PELI1: variants seen among roughly 807,000 people sequenced by gnomAD.
The protein encoded by PELI1 is E3 ubiquitin-protein ligase pellino homolog 1.
In PELI1, 15 loss-of-function variants were observed where a neutral mutation model predicts 41.3. The ratio of observed to expected loss-of-function variants is 0.36; its 90% CI spans 0.24 to 0.56. The LOEUF is 0.56. PELI1 is among the 20% of genes least tolerant of loss of function. PELI1 has a pLI of 0.82. For missense variants in PELI1, 403 were observed against 525.5 expected (o/e 0.77, Z 2.28); for synonymous variants, 178 against 180.1 (o/e 0.99, Z 0.09).
intron 2 of PELI1, among the ~76,000 whole-genome samples, chr2:64,108,030 A>G (rs375441984): frequency 6.6e-6 from 1 of 152,212 alleles, no homozygotes; most frequent in East Asian, 1.9e-4. Context: ...AGGGTGAGAC[A>G]AAGCTTATGT....
chr2:64,141,964 A>T (rs1009279071), intron 1 of PELI1, among the ~76,000 whole-genome samples: 16 of 152,248 alleles, frequency 1.1e-4, no homozygotes, highest in African/African-American at 3.9e-4. Context: ...AAAAAGTTCA[A>T]CATAACCAAC....
intron 3 of PELI1, among the ~76,000 whole-genome samples, chr2:64,100,759 C>T (rs1680400184): frequency 6.6e-6 from 1 of 151,948 alleles, no homozygotes; most frequent in Non-Finnish European, 1.5e-5. Context: ...CAGAGTCTTG[C>T]TCTGTTGCCT....
chr2:64,136,200 T>C (rs890485787), intron 1 of PELI1, among the ~76,000 whole-genome samples: 10 of 152,230 alleles, frequency 6.6e-5, no homozygotes, highest in African/African-American at 2.2e-4. Context: ...GCCACTTTTT[T>C]TTTTTAGATG....
At chr2:64,131,303 CAT>C (rs775491232) in intron 1 of PELI1, among the ~76,000 whole-genome samples, 4 of 150,988 alleles carry the variant, frequency 2.6e-5, no homozygotes, top group Admixed American at 6.6e-5. Flanking sequence ...TCTAGCAATT[CAT>C]ATATATATAT....
Position 64,108,294 on chromosome 2 carries a change from TG to T in PELI1, c.16del (p.Gln6LysfsTer10). The part of the protein sequence containing the change: MFSPD[Q>X]ENHPSKAPVK... ...TGGTGCTTTAGATGGATGATTTTCT[TG>T]ATCAGGAGAAAACATGAGCTTGGCT... On this transcript the variant is annotated frameshift_variant, in exon 2 of 7. Transcript: ENST00000358912. LOFTEE classifies it high-confidence loss of function. The T allele has an allele frequency of 6.2e-7, 1 of 1,605,634 alleles. No homozygotes were observed. Among genetic ancestry groups the T allele is most frequent in the Non-Finnish European group, 8.5e-7 (1 of 1,172,344 alleles).
At chr2:64,126,856 A>C (rs1023822881) in intron 1 of PELI1, among the ~76,000 whole-genome samples, 24 of 152,204 alleles carry the variant, frequency 1.6e-4, no homozygotes, top group Non-Finnish European at 2.8e-4. Context: ...AAGATAAAAA[A>C]GACAAGGGGT....
intron 4 of PELI1, among the ~76,000 whole-genome samples, chr2:64,098,547 T>G (rs987434376): frequency 3.3e-5 from 5 of 152,098 alleles, no homozygotes; most frequent in Non-Finnish European, 5.9e-5. Context: ...AAGATCTACA[T>G]GAAAAGGCAC....
intron 1 of PELI1, among the ~76,000 whole-genome samples, chr2:64,113,300 G>GA (rs57291699): frequency 9.7e-4 from 128 of 131,760 alleles, no homozygotes; most frequent in Middle Eastern, 3.8e-3. Context: ...CAAAAAAAAA[G>GA]AAAAAAAAAA....
intron 6 of PELI1, 96 bp from the exon 7 acceptor site, chr2:64,095,364 G>A (rs543749612): frequency 8.6e-6 from 6 of 696,000 alleles, no homozygotes; most frequent in Non-Finnish European, 1.5e-5. Context: ...CAAGAAATGA[G>A]GTTTCCTAGG....
At chr2:64,133,514 A>C (rs956737190) in intron 1 of PELI1, among the ~76,000 whole-genome samples, 3 of 152,192 alleles carry the variant, frequency 2.0e-5, no homozygotes, top group East Asian at 3.9e-4. Context: ...GGATACAGAT[A>C]CCGATACAGA....
intron 1 of PELI1, among the ~76,000 whole-genome samples, chr2:64,133,567 G>T (rs1014970727): frequency 2.0e-5 from 3 of 151,906 alleles, no homozygotes; most frequent in Non-Finnish European, 4.4e-5. Flanking sequence ...TTCCAAAGAG[G>T]GTGTGAGTGA....
intron 1 of PELI1, among the ~76,000 whole-genome samples, chr2:64,116,549 G>C (rs911065059): frequency 2.6e-5 from 4 of 152,202 alleles, no homozygotes; most frequent in African/African-American, 9.6e-5. Flanking sequence ...ACTGAATTCA[G>C]TCTCTGTGCC....
At chr2:64,105,787 C>T (rs922142980) in intron 2 of PELI1, among the ~76,000 whole-genome samples, 3 of 152,224 alleles carry the variant, frequency 2.0e-5, no homozygotes, top group African/African-American at 2.4e-5. Flanking sequence ...CCTCATTCAC[C>T]GTCCACCTCC....
chr2:64,124,251 T>C (rs977123044), intron 1 of PELI1, among the ~76,000 whole-genome samples: 1 of 152,164 alleles, frequency 6.6e-6, no homozygotes, highest in African/African-American at 2.4e-5. Flanking sequence ...TCTGAGACTA[T>C]ACTAAAAACC....
rs561041868 is a variant in PELI1 at position 64,100,616 on chromosome 2, C to T, written c.202-117G>A. The T allele has an allele frequency of 3.8e-4, 263 of 691,504 alleles. 4 individuals carry two copies. In the South Asian group the frequency reaches 4.0e-3, roughly 10 times the overall value. The allele number at this position is 691,504 out of a possible 1,614,324, so 42.8% of individuals were successfully genotyped here. ...AATACATGACATATTTATACATTTTCCCCCTGAAATTTAGAGAGGTTAATA... is the reference window on the plus strand; with the variant it reads ...AATACATGACATATTTATACATTTTTCCCCTGAAATTTAGAGAGGTTAATA... On this transcript the variant is annotated intron_variant, in intron 3 of 6. Transcript: ENST00000358912.
intron 1 of PELI1, among the ~76,000 whole-genome samples, chr2:64,113,879 G>C (rs1182388475): frequency 6.6e-6 from 1 of 151,888 alleles, no homozygotes; most frequent in Non-Finnish European, 1.5e-5. Flanking sequence ...ATCAATCTTT[G>C]TCTCTCAACC....
intron 1 of PELI1, among the ~76,000 whole-genome samples, chr2:64,121,906 C>CA (rs75975996): frequency 0.082 from 6,073 of 73,934 alleles, 163 homozygotes; most frequent in South Asian, 0.098. Context: ...ACTCCGTCTT[C>CA]AAAAAAAAAA....
chr2:64,114,860 AC>A (rs1388709779), intron 1 of PELI1, among the ~76,000 whole-genome samples: 1 of 152,180 alleles, frequency 6.6e-6, no homozygotes, highest in Non-Finnish European at 1.5e-5. Context: ...CCTTGTGAGA[AC>A]CACTGCTCTA....
intron 1 of PELI1, among the ~76,000 whole-genome samples, chr2:64,142,466 G>A (rs1576109924): frequency 6.6e-6 from 1 of 152,270 alleles, no homozygotes; most frequent in Admixed American, 6.5e-5. Context: ...GAAAGAGCTA[G>A]TAGAAGTGAT....
Sources: gnomAD v4.1 joint callset for allele counts (sites outside exome capture counted in the v4.1 genomes callset) on GRCh38, gnomAD v4.1.1 for gene constraint, MANE v1.5 for transcripts, NCBI Gene and HGNC (gene_info 2026-07-23, HGNC 2026-07-21) for gene names.